The following PCDH15 variants were observed in gnomAD, a reference collection of about 807,000 sequenced individuals.
The protein encoded by PCDH15 is protocadherin-15.
In PCDH15, 129 loss-of-function variants were observed where a neutral mutation model predicts 178.5. The ratio of observed to expected loss-of-function variants is 0.72; its 90% confidence interval spans 0.63 to 0.84. PCDH15 has a LOEUF of 0.84. PCDH15 is among the 40% of genes least tolerant of loss of function. PCDH15 has a pLI of 0.00. For missense variants in PCDH15, 2,230 were observed against 2,099.9 expected (o/e 1.06, Z -1.21); for synonymous variants, 800 against 732.0 (o/e 1.09, Z -1.50).
chr10:55,493,198 G>C (rs1371686082), intron 2 of PCDH15, among the ~76,000 whole-genome samples: 1 of 150,998 alleles, frequency 6.6e-6, no homozygotes, highest in East Asian at 2.0e-4. Flanking sequence ...GAAGCACAAT[G>C]AACACTAGGT....
intron 26 of PCDH15, among the ~76,000 whole-genome samples, chr10:53,877,037 C>T (rs1257551360): frequency 6.6e-6 from 1 of 151,966 alleles, no homozygotes; most frequent in African/African-American, 2.4e-5. Context: ...TAAAGAAAAG[C>T]CAAATGTTCC....
chr10:54,050,082 G>A (rs181620165), intron 18 of PCDH15, among the ~76,000 whole-genome samples: 12 of 152,272 alleles, frequency 7.9e-5, no homozygotes, highest in East Asian at 1.9e-4. Context: ...CACAGAGTGC[G>A]TTAGGGTGGA....
intron 3 of PCDH15, among the ~76,000 whole-genome samples, chr10:54,399,002 C>A (rs138384030): frequency 0.011 from 1,658 of 152,200 alleles, 31 homozygotes; most frequent in African/African-American, 0.036. Context: ...CTCTGGCTTT[C>A]TTAAAAGTGA....
At chr10:55,500,781 C>T (rs187116434) in intron 2 of PCDH15, among the ~76,000 whole-genome samples, 1 of 151,766 alleles carries the variant, frequency 6.6e-6, no homozygotes, top group Non-Finnish European at 1.5e-5. Flanking sequence ...AGTTAGAATG[C>T]TGTCTGTAGT....
intron 1 of PCDH15, among the ~76,000 whole-genome samples, chr10:55,185,380 G>A (rs1418763278): frequency 6.6e-6 from 1 of 151,618 alleles, no homozygotes; most frequent in African/African-American, 2.4e-5. Context: ...TATAAACTAG[G>A]CCTCTTAAAT....
At chr10:54,790,618 C>G (rs1951317365) in intron 1 of PCDH15, among the ~76,000 whole-genome samples, 1 of 151,730 alleles carries the variant, frequency 6.6e-6, no homozygotes, top group South Asian at 2.1e-4. Flanking sequence ...GCAGATCATT[C>G]CCCTGGCCCC....
At chr10:55,158,666 T>C (rs1196854538) in intron 2 of PCDH15, among the ~76,000 whole-genome samples, 1 of 147,266 alleles carries the variant, frequency 6.8e-6, no homozygotes, top group Non-Finnish European at 1.5e-5. Context: ...AAGTGGTACC[T>C]AGTAGCATGA....
intron 2 of PCDH15, among the ~76,000 whole-genome samples, chr10:54,954,590 C>A (rs1224527190): frequency 6.6e-6 from 1 of 151,060 alleles, no homozygotes; most frequent in Non-Finnish European, 1.5e-5. Context: ...AACAAAACAC[C>A]ATTTCTTAAA....
At chr10:54,667,564 T>C (rs1051593273) in intron 1 of PCDH15, among the ~76,000 whole-genome samples, 6 of 152,102 alleles carry the variant, frequency 3.9e-5, no homozygotes, top group Non-Finnish European at 7.4e-5. Flanking sequence ...GAAAGTCCTA[T>C]AGGAGATGAA....
At chr10:55,541,810 T>C (rs1264741815) in intron 2 of PCDH15, among the ~76,000 whole-genome samples, 2 of 151,916 alleles carry the variant, frequency 1.3e-5, no homozygotes, top group Admixed American at 1.3e-4. Flanking sequence ...AATCATTTGA[T>C]GTGGTCAAAG....
At chr10:54,943,089 A>G (rs1217027639) in intron 2 of PCDH15, among the ~76,000 whole-genome samples, 1 of 152,060 alleles carries the variant, frequency 6.6e-6, no homozygotes, top group Non-Finnish European at 1.5e-5. Context: ...TATTTGTTTT[A>G]AAACATCATT....
intron 8 of PCDH15, among the ~76,000 whole-genome samples, chr10:54,307,040 GTATATATATATA>G (rs1158139613): frequency 3.4e-5 from 1 of 29,328 alleles, no homozygotes; most frequent in South Asian, 1.6e-3. Flanking sequence ...GTGTGTGTGT[GTATATATATATA>G]TATATATATA....
chr10:54,645,423 G>T (rs958524572), intron 2 of PCDH15, among the ~76,000 whole-genome samples: 1 of 151,664 alleles, frequency 6.6e-6, no homozygotes, highest in Non-Finnish European at 1.5e-5. Context: ...ACCCACACAC[G>T]AATGAAAAAT....
intron 36 of PCDH15, among the ~76,000 whole-genome samples, chr10:53,810,944 A>G (rs2075843329): frequency 6.6e-6 from 1 of 152,186 alleles, no homozygotes; most frequent in Non-Finnish European, 1.5e-5. Context: ...AAAAAGCCAT[A>G]TTGTGTCTTA....
intron 2 of PCDH15, among the ~76,000 whole-genome samples, chr10:54,925,754 T>G (rs1837605929): frequency 1.3e-5 from 2 of 152,192 alleles, no homozygotes; most frequent in African/African-American, 4.8e-5. Flanking sequence ...TGGCTTCTGA[T>G]GATGTATAGA....
At chr10:54,703,133 A>T (rs11818092) in intron 1 of PCDH15, among the ~76,000 whole-genome samples, 78,291 of 151,840 alleles carry the variant, frequency 0.52, 20,972 homozygotes, top group Non-Finnish European at 0.6. Context: ...AATCCACATG[A>T]TCATCTCAAT....
At chr10:54,977,294 A>G (rs144058959) in intron 2 of PCDH15, among the ~76,000 whole-genome samples, 155 of 152,274 alleles carry the variant, frequency 1.0e-3, no homozygotes, top group African/African-American at 3.3e-3. Flanking sequence ...CATAAGACAC[A>G]GGTCATAAGA....
At chr10:54,259,623 G>C (rs563058937) in intron 8 of PCDH15, among the ~76,000 whole-genome samples, 31 of 152,144 alleles carry the variant, frequency 2.0e-4, no homozygotes, top group Admixed American at 1.0e-3. Context: ...GGCTCTATCT[G>C]TTAATGTAGT....
chr10:54,791,989 T>C (rs1347286782), intron 1 of PCDH15, among the ~76,000 whole-genome samples: 1 of 151,792 alleles, frequency 6.6e-6, no homozygotes, highest in East Asian at 1.9e-4. Flanking sequence ...ACACAATTAA[T>C]GAGCATAGAA....
Sources: allele counts gnomAD v4.1 joint callset (sites outside exome capture counted in the v4.1 genomes callset), GRCh38; gene constraint gnomAD v4.1.1; transcripts MANE v1.5; gene names NCBI Gene and HGNC (gene_info 2026-07-23, HGNC 2026-07-21).